Variants in FGF14 observed in about 807,000 individuals in gnomAD.
FGF14 encodes the protein fibroblast growth factor 14.
Under a neutral mutation model 25.5 loss-of-function variants are expected in FGF14, and 5 were observed. The observed-to-expected ratio is 0.20, with a 90% CI of 0.10 to 0.41. FGF14 has a LOEUF of 0.41. Ranked by LOEUF, FGF14 falls within the 10% of genes least tolerant of loss-of-function variation. The pLI is 1.00. For missense variants in FGF14, 222 were observed against 320.1 expected, an observed-to-expected ratio of 0.69 and a Z score of 2.34; for synonymous variants, 138 against 118.3, an observed-to-expected ratio of 1.17 and a Z score of -1.08.
At chr13:101,779,352 T>C (rs2039345735) in intron 3 of FGF14, among the ~76,000 whole-genome samples, 1 of 152,208 alleles carries the variant, frequency 6.6e-6, no homozygotes, top group Non-Finnish European at 1.5e-5. Context: ...TACACGTTTC[T>C]TCCTGATTTA....
At chr13:102,297,937 T>G (rs968550880) in intron 1 of FGF14, among the ~76,000 whole-genome samples, 24 of 152,178 alleles carry the variant, frequency 1.6e-4, no homozygotes, top group Admixed American at 6.6e-5. Flanking sequence ...TGGGATGCCC[T>G]CACAGAATGT....
intron 1 of FGF14, among the ~76,000 whole-genome samples, chr13:102,181,993 G>C (rs561550046): frequency 1.3e-5 from 2 of 152,202 alleles, no homozygotes; most frequent in Admixed American, 6.5e-5. Flanking sequence ...CTGTGAAAAC[G>C]TTTTTAAATA....
chr13:101,743,731 T>C (rs978543711), intron 3 of FGF14, among the ~76,000 whole-genome samples: 4 of 152,156 alleles, frequency 2.6e-5, no homozygotes, highest in Non-Finnish European at 5.9e-5. Context: ...AAAATAAATA[T>C]TGAACATATT....
At chr13:102,137,612 A>C (rs2046467416) in intron 1 of FGF14, among the ~76,000 whole-genome samples, 1 of 152,160 alleles carries the variant, frequency 6.6e-6, no homozygotes, top group Non-Finnish European at 1.5e-5. Flanking sequence ...CATACATCCT[A>C]GTTCTTGTTT....
upstream of FGF14, among the ~76,000 whole-genome samples, chr13:101,917,208 G>A (rs2033618639): frequency 6.6e-6 from 1 of 151,962 alleles, no homozygotes; most frequent in African/African-American, 2.4e-5. Flanking sequence ...TTCTGCCGGT[G>A]ATTGTCAAGT....
At chr13:102,075,727 T>C (rs888594593) in intron 1 of FGF14, among the ~76,000 whole-genome samples, 2 of 152,188 alleles carry the variant, frequency 1.3e-5, no homozygotes, top group African/African-American at 4.8e-5. Flanking sequence ...GAAGAAGGCA[T>C]TGTTATCATA....
intron 1 of FGF14, among the ~76,000 whole-genome samples, chr13:101,958,726 A>T (rs1005028023): frequency 5.9e-5 from 9 of 152,238 alleles, no homozygotes; most frequent in African/African-American, 2.2e-4. Context: ...ACAATCTCAG[A>T]ACATATGCAC....
intron 1 of FGF14, among the ~76,000 whole-genome samples, chr13:102,304,161 TA>T (rs1378600654): frequency 6.6e-6 from 1 of 152,074 alleles, no homozygotes; most frequent in African/African-American, 2.4e-5. Context: ...TCTCTAATGA[TA>T]AATAGCAAGG....
chr13:102,033,421 G>A (rs879515745), intron 1 of FGF14, among the ~76,000 whole-genome samples: 9 of 152,184 alleles, frequency 5.9e-5, no homozygotes, highest in African/African-American at 1.7e-4. Context: ...AAAAAGAAGC[G>A]TTCTATATTT....
At chr13:101,736,055 G>T (rs118083011) in intron 3 of FGF14, among the ~76,000 whole-genome samples, 4 of 152,192 alleles carry the variant, frequency 2.6e-5, no homozygotes, top group South Asian at 2.1e-4. Flanking sequence ...AAATACTCAG[G>T]CATCAAAGTA....
intron 1 of FGF14, among the ~76,000 whole-genome samples, chr13:102,275,509 A>G (rs1009427197): frequency 3.9e-5 from 6 of 152,174 alleles, no homozygotes; most frequent in Admixed American, 3.9e-4. Flanking sequence ...AAGATGATAA[A>G]AATGAATTTG....
At chr13:102,143,298 T>C (rs150715502) in intron 1 of FGF14, among the ~76,000 whole-genome samples, 132 of 152,278 alleles carry the variant, frequency 8.7e-4, no homozygotes, top group African/African-American at 2.8e-3. Flanking sequence ...GGCCACAAAC[T>C]GCTTCCAGGT....
chr13:102,049,869 G>A (rs935040847), intron 1 of FGF14, among the ~76,000 whole-genome samples: 1 of 152,120 alleles, frequency 6.6e-6, no homozygotes, highest in Non-Finnish European at 1.5e-5. Flanking sequence ...ATCTAGGGGA[G>A]AGGCATCAAA....
chr13:101,942,360 AAAC>A (rs1418519084), intron 1 of FGF14, among the ~76,000 whole-genome samples: 1 of 152,234 alleles, frequency 6.6e-6, no homozygotes, highest in African/African-American at 2.4e-5. Context: ...TATTCTGGAA[AAAC>A]AACAAAATAA....
intron 1 of FGF14, among the ~76,000 whole-genome samples, chr13:102,109,839 C>T (rs1335992300): frequency 6.6e-6 from 1 of 152,058 alleles, no homozygotes; most frequent in African/African-American, 2.4e-5. Context: ...AGGCTGGTCT[C>T]GAACTCCCGA....
chr13:101,898,341 AACACACACACAC>A (rs55676818), intron 1 of FGF14, among the ~76,000 whole-genome samples: 5 of 144,372 alleles, frequency 3.5e-5, no homozygotes, highest in African/African-American at 1.0e-4. Context: ...TGAAACATAC[AACACACACACAC>A]ACACACACAC....
upstream of FGF14, among the ~76,000 whole-genome samples, chr13:101,919,097 G>A (rs928650093): frequency 6.6e-6 from 1 of 152,066 alleles, no homozygotes; most frequent in African/African-American, 2.4e-5. Context: ...TGCTTAAAAA[G>A]GGAAAGATGT....
chr13:102,257,428 C>T (rs546728647), intron 1 of FGF14, among the ~76,000 whole-genome samples: 6 of 142,228 alleles, frequency 4.2e-5, no homozygotes, highest in East Asian at 2.2e-4. Flanking sequence ...CTCGGCTCAC[C>T]GCAACCTCCA....
chr13:102,048,601 TATCTGGG>T (rs1436695435), intron 1 of FGF14, among the ~76,000 whole-genome samples: 1 of 152,202 alleles, frequency 6.6e-6, no homozygotes, highest in African/African-American at 2.4e-5. Context: ...CTCCTCATCC[TATCTGGG>T]CAATACTTAG....
Sources: gnomAD v4.1 joint callset for allele counts (sites outside exome capture counted in the v4.1 genomes callset) on GRCh38, gnomAD v4.1.1 for gene constraint, MANE v1.5 for transcripts, NCBI Gene and HGNC (gene_info 2026-07-23, HGNC 2026-07-21) for gene names.